Variants in HDAC9 observed in about 807,000 individuals in gnomAD.
HDAC9 encodes MEF-2 interacting transcription repressor (MITR) protein.
In HDAC9, 41 loss-of-function variants were observed where a neutral mutation model predicts 139.4. The observed-to-expected ratio is 0.29, with a 90% CI of 0.23 to 0.38. The LOEUF is 0.38. HDAC9 is among the 10% of genes least tolerant of loss of function. The pLI is 1.00. For missense variants in HDAC9, 1,147 were observed against 1,297.0 expected, an observed-to-expected ratio of 0.88 and a Z score of 1.78; for synonymous variants, 517 against 476.2, an observed-to-expected ratio of 1.09 and a Z score of -1.12.
chr7:18,880,746 C>T (rs1799672693), intron 22 of HDAC9, among the ~76,000 whole-genome samples: 1 of 148,576 alleles, frequency 6.7e-6, no homozygotes, highest in African/African-American at 2.5e-5. Context: ...AAACCTGTGA[C>T]ATGAATTTAC....
intron 1 of HDAC9, among the ~76,000 whole-genome samples, chr7:18,143,164 A>G (rs1786037289): frequency 6.6e-6 from 1 of 152,180 alleles, no homozygotes; most frequent in Admixed American, 6.5e-5. Context: ...CTGTGCACCT[A>G]CGCCTATTGT....
At chr7:18,242,120 G>T (rs907185154) in intron 2 of HDAC9, among the ~76,000 whole-genome samples, 16 of 151,872 alleles carry the variant, frequency 1.1e-4, no homozygotes, top group Non-Finnish European at 7.4e-5. Flanking sequence ...GTATCTGCTT[G>T]TCATTCCCCA....
chr7:18,262,672 G>C (rs1211299539), intron 2 of HDAC9, among the ~76,000 whole-genome samples: 1 of 152,156 alleles, frequency 6.6e-6, no homozygotes, highest in Non-Finnish European at 1.5e-5. Flanking sequence ...ATAAAACTAT[G>C]TGTTTGGCTA....
At chr7:18,694,811 C>G (rs1309398715) in intron 12 of HDAC9, among the ~76,000 whole-genome samples, 1 of 152,056 alleles carries the variant, frequency 6.6e-6, no homozygotes, top group African/African-American at 2.4e-5. Flanking sequence ...CCAGTTTATG[C>G]AAATGGAACT....
chr7:18,131,778 C>A (rs553622059), intron 1 of HDAC9, among the ~76,000 whole-genome samples: 41 of 152,232 alleles, frequency 2.7e-4, no homozygotes, highest in Admixed American at 1.3e-3. Context: ...ACGCACACTC[C>A]CTCATGGAGA....
chr7:18,730,771 T>C (rs1318432463), intron 13 of HDAC9, among the ~76,000 whole-genome samples: 1 of 152,216 alleles, frequency 6.6e-6, no homozygotes, highest in African/African-American at 2.4e-5. Flanking sequence ...TCCTTCTTAC[T>C]GTAGAGCTTA....
chr7:18,790,229 T>G (rs1268034004), intron 16 of HDAC9, among the ~76,000 whole-genome samples: 1 of 152,190 alleles, frequency 6.6e-6, no homozygotes, highest in Non-Finnish European at 1.5e-5. Context: ...GATTTAATCT[T>G]ACTATGAACT....
At chr7:18,711,918 T>A (rs1160222492) in intron 12 of HDAC9, among the ~76,000 whole-genome samples, 1 of 147,930 alleles carries the variant, frequency 6.8e-6, no homozygotes, top group Non-Finnish European at 1.5e-5. Flanking sequence ...CTTCTCTCAT[T>A]TCTCACCATA....
Position 18,791,875 on chromosome 7 carries a change from G to A in HDAC9, c.2215-1470G>A, listed in dbSNP as rs149857745. On this transcript the variant is annotated intron_variant, in intron 16 of 25. Transcript: ENST00000686413. Reference sequence around the variant, plus strand: ...TAGTCATTTAATCCTCACTAAAATCGTATGCAGATGGTACTTTAAAAAGTT... The same window carrying A: ...TAGTCATTTAATCCTCACTAAAATCATATGCAGATGGTACTTTAAAAAGTT... Among the ~76,000 whole-genome samples, 476 of 152,230 alleles carry A rather than the reference G, an allele frequency of 3.1e-3. 4 individuals carry two copies. Among genetic ancestry groups the A allele is most frequent in the African/African-American group, 0.011 (453 of 41,550 alleles).
upstream of HDAC9, among the ~76,000 whole-genome samples, chr7:18,287,835 C>G (rs1399395119): frequency 1.3e-5 from 2 of 152,202 alleles, no homozygotes; most frequent in Non-Finnish European, 2.9e-5. Flanking sequence ...GCTTGGAGAG[C>G]ACTACTGGCA....
chr7:18,701,617 G>T (rs1343653589), intron 12 of HDAC9, among the ~76,000 whole-genome samples: 1 of 152,122 alleles, frequency 6.6e-6, no homozygotes, highest in East Asian at 1.9e-4. Flanking sequence ...TCAAAATTCT[G>T]TCTTTAAAAT....
chr7:18,443,194 T>C (rs1452937689), intron 1 of HDAC9, among the ~76,000 whole-genome samples: 4 of 152,362 alleles, frequency 2.6e-5, no homozygotes, highest in South Asian at 2.1e-4. Context: ...AGTTTTTTTT[T>C]CTGAAGAAAA....
intron 2 of HDAC9, among the ~76,000 whole-genome samples, chr7:18,561,742 C>T (rs801763): frequency 0.31 from 46,811 of 152,048 alleles, 11,805 homozygotes; most frequent in African/African-American, 0.7. Flanking sequence ...AGCATGGTTT[C>T]AAGGTTTACC....
At chr7:18,694,312 G>A (rs1161995770) in intron 12 of HDAC9, among the ~76,000 whole-genome samples, 3 of 152,186 alleles carry the variant, frequency 2.0e-5, no homozygotes, top group Non-Finnish European at 2.9e-5. Context: ...TCTAATGAAT[G>A]TGTTGATTTC....
intron 2 of HDAC9, among the ~76,000 whole-genome samples, chr7:18,516,145 C>T (rs1015903681): frequency 1.4e-4 from 22 of 152,150 alleles, no homozygotes; most frequent in African/African-American, 5.3e-4. Context: ...TACTCTTCAT[C>T]CTGCCTGCGG....
At chr7:18,171,943 A>G (rs968618626) in intron 2 of HDAC9, among the ~76,000 whole-genome samples, 1 of 152,190 alleles carries the variant, frequency 6.6e-6, no homozygotes, top group Non-Finnish European at 1.5e-5. Context: ...TGGTATCAGG[A>G]TGATGCTGGC....
At chr7:18,693,040 A>C (rs1782782864) in intron 12 of HDAC9, among the ~76,000 whole-genome samples, 1 of 152,060 alleles carries the variant, frequency 6.6e-6, no homozygotes, top group Admixed American at 6.6e-5. Context: ...CATAAAAACT[A>C]ATTGTGCCCC....
chr7:18,121,936 T>G (rs1168175019), intron 1 of HDAC9, among the ~76,000 whole-genome samples: 9 of 152,206 alleles, frequency 5.9e-5, no homozygotes, highest in Non-Finnish European at 1.2e-4. Context: ...TTCTATGTCA[T>G]ATCCAACCTT....
intron 21 of HDAC9, among the ~76,000 whole-genome samples, chr7:18,861,337 G>A (rs1439490642): frequency 6.6e-6 from 1 of 152,080 alleles, no homozygotes; most frequent in Admixed American, 6.6e-5. Context: ...CTAGATTTCA[G>A]TACAGAGTTT....
Sources: allele counts gnomAD v4.1 joint callset (sites outside exome capture counted in the v4.1 genomes callset), GRCh38; gene constraint gnomAD v4.1.1; transcripts MANE v1.5; gene names NCBI Gene and HGNC (gene_info 2026-07-23, HGNC 2026-07-21).